The following DDAH1 variants were observed in gnomAD, a reference collection of about 807,000 sequenced individuals.
DDAH1 encodes the protein N(G),N(G)-dimethylarginine dimethylaminohydrolase 1.
DDAH1 carries 19 observed loss-of-function variants against 28.8 expected under a neutral mutation model. The observed-to-expected ratio is 0.66, with a 90% CI of 0.46 to 0.97. DDAH1 has a LOEUF of 0.97. Ranked by LOEUF, DDAH1 falls within the 50% of genes least tolerant of loss-of-function variation. The pLI, the probability that DDAH1 is intolerant of heterozygous loss-of-function variation, is 0.00. For synonymous variants in DDAH1, 153 were observed against 154.4 expected (o/e 0.99, Z 0.07); for missense variants, 326 against 375.9 (o/e 0.87, Z 1.10).
chr1:85,523,584 GGCCTGGAGC>G (rs1657763372), intron 1 of DDAH1, among the ~76,000 whole-genome samples: 1 of 151,930 alleles, frequency 6.6e-6, no homozygotes, highest in Non-Finnish European at 1.5e-5. Flanking sequence ...GCAAGAGCCT[GGCCTGGAGC>G]AAGGGATTTA....
At chr1:85,388,368 C>T (rs553108229) in intron 1 of DDAH1, among the ~76,000 whole-genome samples, 209 of 152,230 alleles carry the variant, frequency 1.4e-3, no homozygotes, top group African/African-American at 4.9e-3. Flanking sequence ...CTCTTGAACA[C>T]CAGTCTTATA....
At chr1:85,393,293 C>T (rs893750222) in intron 1 of DDAH1, among the ~76,000 whole-genome samples, 4 of 152,134 alleles carry the variant, frequency 2.6e-5, no homozygotes, top group African/African-American at 9.7e-5. Flanking sequence ...AGTTTAAACT[C>T]CACTTGTGGG....
At chr1:85,445,434 T>C (rs1654389615) in intron 1 of DDAH1, among the ~76,000 whole-genome samples, 1 of 152,204 alleles carries the variant, frequency 6.6e-6, no homozygotes, top group Non-Finnish European at 1.5e-5. Context: ...TAAGATCAAA[T>C]ATTTAGAAAT....
chr1:85,398,837 G>A (rs1651934947), intron 1 of DDAH1: 1 of 152,206 alleles, frequency 6.6e-6, no homozygotes, highest in African/African-American at 2.4e-5. Context: ...CTGACAGCAT[G>A]TTGAATCTGT....
At chr1:85,379,337 G>A (rs1323635750) in intron 1 of DDAH1, among the ~76,000 whole-genome samples, 1 of 152,156 alleles carries the variant, frequency 6.6e-6, no homozygotes, top group Non-Finnish European at 1.5e-5. Context: ...GGTTGCAATA[G>A]CTATAGTCAA....
At position 85,354,666 on chromosome 1, in the gene DDAH1, T is replaced by A. The variant is rs570072023; in HGVS notation, c.404-3087A>T. Among the ~76,000 whole-genome samples the A allele has an allele frequency of 7.2e-4, 109 of 151,884 alleles. 1 individual carries two copies. In the Middle Eastern group the frequency reaches 0.01, roughly 14 times the overall value. On this transcript the variant is annotated intron_variant, in intron 2 of 5. Coordinates refer to ENST00000284031, the MANE Select transcript of DDAH1 (RefSeq NM_012137.4). ...TGCAATAATAACCAATAAGTTTTTT[T>A]AAAAAAAACCTCATTACCTTTGAAT...
Position 85,363,924 on chromosome 1 carries a change from T to C in DDAH1, c.304-5077A>G, listed in dbSNP as rs542999187. ...ATGTCAACTTTTTTTTTTTTTTTTT[T>C]CAAATCAGGCTACAATTCTTTTTTT... On this transcript the variant is annotated intron_variant, in intron 1 of 5. Transcript: ENST00000284031. 3.4e-5 allele frequency among the ~76,000 whole-genome samples: 5 copies of C among 145,630 alleles called. No individual in the cohort carries two copies. The East Asian group carries it at 6.0e-4, about 17-fold the overall frequency.
At chr1:85,534,463 T>C (rs1301238602) in intron 1 of DDAH1, among the ~76,000 whole-genome samples, 2 of 152,204 alleles carry the variant, frequency 1.3e-5, no homozygotes, top group East Asian at 1.9e-4. Flanking sequence ...TACACACACA[T>C]ACTTTTTTGA....
intron 1 of DDAH1, among the ~76,000 whole-genome samples, chr1:85,439,920 T>C (rs1654116220): frequency 1.3e-5 from 2 of 152,340 alleles, no homozygotes; most frequent in South Asian, 4.1e-4. Flanking sequence ...TTTAAATACA[T>C]GTGTTCTAAA....
At chr1:85,536,948 CATATATATAT>C (rs202209648) in intron 1 of DDAH1, among the ~76,000 whole-genome samples, 15,455 of 91,686 alleles carry the variant, frequency 0.17, 1,109 homozygotes, top group South Asian at 0.23. Context: ...GAAAATGTGG[CATATATATAT>C]ATATATATAT....
chr1:85,422,103 C>T (rs905303124), intron 1 of DDAH1, among the ~76,000 whole-genome samples: 7 of 152,118 alleles, frequency 4.6e-5, no homozygotes, highest in African/African-American at 1.7e-4. Flanking sequence ...AAATTTTAGC[C>T]ATTTGAATAG....
intron 4 of DDAH1, among the ~76,000 whole-genome samples, chr1:85,338,428 CA>C (rs1300115118): frequency 1.3e-5 from 2 of 152,040 alleles, no homozygotes; most frequent in African/African-American, 2.4e-5. Flanking sequence ...TCTAAAGTGC[CA>C]GGTATTTTAC....
chr1:85,416,113 A>G (rs1296700731), intron 1 of DDAH1, among the ~76,000 whole-genome samples: 1 of 152,184 alleles, frequency 6.6e-6, no homozygotes, highest in Non-Finnish European at 1.5e-5. Flanking sequence ...TTATGTTAGG[A>G]CATATTTGCA....
chr1:85,404,396 T>A (rs1652302698), intron 1 of DDAH1: 6 of 1,535,184 alleles, frequency 3.9e-6, no homozygotes, highest in Non-Finnish European at 5.2e-6. Context: ...CTGACTGCCA[T>A]CAAATTGCCA....
chr1:85,433,443 A>G (rs879679594), intron 1 of DDAH1, among the ~76,000 whole-genome samples: 72 of 152,176 alleles, frequency 4.7e-4, no homozygotes, highest in Non-Finnish European at 2.6e-4. Flanking sequence ...AATGCAAAAC[A>G]ACGACAACTG....
chr1:85,330,683 G>A (rs1322870014), intron 4 of DDAH1, among the ~76,000 whole-genome samples: 3 of 152,180 alleles, frequency 2.0e-5, no homozygotes, highest in African/African-American at 4.8e-5. Context: ...TTGCTGTTCC[G>A]AATGCCCTTT....
intron 1 of DDAH1, among the ~76,000 whole-genome samples, chr1:85,506,725 C>T (rs1009197776): frequency 6.6e-6 from 1 of 152,224 alleles, no homozygotes; most frequent in Non-Finnish European, 1.5e-5. Flanking sequence ...GCTTGCTAAG[C>T]TTATTCAGAC....
At chr1:85,484,161 C>T (rs914808568) in intron 2 of DDAH1, among the ~76,000 whole-genome samples, 9 of 152,018 alleles carry the variant, frequency 5.9e-5, no homozygotes, top group East Asian at 1.9e-4. Context: ...AGAATACTGG[C>T]GGCAAGTGAC....
At chr1:85,344,672 A>T (rs1466025628) in intron 4 of DDAH1, among the ~76,000 whole-genome samples, 1 of 151,998 alleles carries the variant, frequency 6.6e-6, no homozygotes, top group Non-Finnish European at 1.5e-5. Flanking sequence ...AATGAGGTCA[A>T]GTTAAAAATC....
Sources: allele counts gnomAD v4.1 joint callset (sites outside exome capture counted in the v4.1 genomes callset), GRCh38; gene constraint gnomAD v4.1.1; transcripts MANE v1.5; gene names NCBI Gene and HGNC (gene_info 2026-07-23, HGNC 2026-07-21).